TNIK: variants seen among roughly 807,000 people sequenced by gnomAD.
TNIK encodes TRAF2 and NCK interacting kinase.
In TNIK, 49 loss-of-function variants were observed where a neutral mutation model predicts 191.3. The observed-to-expected ratio is 0.26, with a 90% CI of 0.20 to 0.32. The LOEUF (loss-of-function observed/expected upper bound fraction) is 0.32. Among genes scored for constraint, TNIK ranks in the 10% least tolerant of loss-of-function variants. The probability of loss-of-function intolerance (pLI) is 1.00; values close to 1 mark genes in which losing one functional copy is unlikely to be tolerated. For missense variants in TNIK, 1,155 were observed against 1,702.3 expected, an observed-to-expected ratio of 0.68 and a Z score of 5.66; for synonymous variants, 594 against 600.9, an observed-to-expected ratio of 0.99 and a Z score of 0.17.
intron 1 of TNIK, among the ~76,000 whole-genome samples, chr3:171,443,668 T>A (rs565638756): frequency 6.0e-5 from 9 of 151,162 alleles, no homozygotes; most frequent in East Asian, 1.9e-4. Flanking sequence ...AAAAAAAAAA[T>A]TTCAAAAAAT....
At chr3:171,152,961 C>G (rs188045499) in intron 12 of TNIK, among the ~76,000 whole-genome samples, 7 of 151,904 alleles carry the variant, frequency 4.6e-5, no homozygotes, top group African/African-American at 1.7e-4. Flanking sequence ...TTAGTAGAGA[C>G]GGGGTTTCAC....
intron 1 of TNIK, among the ~76,000 whole-genome samples, chr3:171,445,254 A>AT (rs1179308913): frequency 6.6e-6 from 1 of 151,970 alleles, no homozygotes; most frequent in Admixed American, 6.6e-5. Context: ...GCCCTTCTCT[A>AT]TAAAAAATAC....
intron 10 of TNIK, among the ~76,000 whole-genome samples, chr3:171,163,445 T>A (rs1355475500): frequency 6.6e-6 from 1 of 152,214 alleles, no homozygotes; most frequent in East Asian, 1.9e-4. Context: ...GCCTTGCTTT[T>A]CACACTAGCC....
chr3:171,275,444 T>C (rs1380062190), intron 2 of TNIK, among the ~76,000 whole-genome samples: 1 of 152,058 alleles, frequency 6.6e-6, no homozygotes, highest in Non-Finnish European at 1.5e-5. Context: ...GAAAATATTA[T>C]AACCATAAAA....
At chr3:171,273,415 G>T (rs990069383) in intron 2 of TNIK, among the ~76,000 whole-genome samples, 1 of 152,156 alleles carries the variant, frequency 6.6e-6, no homozygotes, top group Non-Finnish European at 1.5e-5. Flanking sequence ...GTATCTTTCT[G>T]CATTGTGCTG....
intron 1 of TNIK, among the ~76,000 whole-genome samples, chr3:171,441,663 G>A (rs1483618018): frequency 6.6e-6 from 1 of 152,134 alleles, no homozygotes; most frequent in Non-Finnish European, 1.5e-5. Flanking sequence ...TTTCTCTTGG[G>A]TACATACGCA....
At chr3:171,076,168 G>A (rs1719903282) in intron 28 of TNIK, among the ~76,000 whole-genome samples, 1 of 151,470 alleles carries the variant, frequency 6.6e-6, no homozygotes. Flanking sequence ...TGAGGAACAT[G>A]TCCTTCTCAG....
chr3:171,188,669 G>T (rs372397594), intron 7 of TNIK, 33 bp downstream of exon 7: 3 of 1,610,664 alleles, frequency 1.9e-6, no homozygotes, highest in Non-Finnish European at 2.5e-6. Flanking sequence ...AAGATGGTAG[G>T]CATAGTTTTG....
chr3:171,398,434 T>A (rs1720509546), intron 1 of TNIK, among the ~76,000 whole-genome samples: 1 of 152,230 alleles, frequency 6.6e-6, no homozygotes, highest in Admixed American at 6.5e-5. Flanking sequence ...GGAATCCATA[T>A]CTTCTATTTA....
intron 2 of TNIK, among the ~76,000 whole-genome samples, chr3:171,240,375 TG>T (rs1278845393): frequency 6.6e-6 from 1 of 152,168 alleles, no homozygotes; most frequent in Non-Finnish European, 1.5e-5. Flanking sequence ...GACTAATTAG[TG>T]GGTCTAGAGT....
chr3:171,436,951 C>A (rs1726103262), intron 1 of TNIK, among the ~76,000 whole-genome samples: 1 of 152,180 alleles, frequency 6.6e-6, no homozygotes, highest in South Asian at 2.1e-4. Context: ...TGTCAAGAAC[C>A]TTAACACCCC....
At chr3:171,255,391 G>A (rs1234258446) in intron 2 of TNIK, among the ~76,000 whole-genome samples, 1 of 152,136 alleles carries the variant, frequency 6.6e-6, no homozygotes, top group Non-Finnish European at 1.5e-5. Flanking sequence ...ATCTTAGCTA[G>A]AGCTAAGATG....
At chr3:171,426,080 A>C (rs1389497157) in intron 1 of TNIK, among the ~76,000 whole-genome samples, 3 of 152,096 alleles carry the variant, frequency 2.0e-5, no homozygotes, top group African/African-American at 7.2e-5. Flanking sequence ...AATATAAATC[A>C]TGCTGCTATA....
chr3:171,295,658 T>C (rs569568619), intron 2 of TNIK, among the ~76,000 whole-genome samples: 4 of 152,296 alleles, frequency 2.6e-5, no homozygotes, highest in Non-Finnish European at 4.4e-5. Flanking sequence ...TTCTTCCTTC[T>C]CTCCAGGGAA....
At chr3:171,083,909 C>G (rs775031057) in intron 26 of TNIK, among the ~76,000 whole-genome samples, 1 of 152,132 alleles carries the variant, frequency 6.6e-6, no homozygotes. Flanking sequence ...TAGCCTATCA[C>G]TATTGTGTGA....
intron 1 of TNIK, among the ~76,000 whole-genome samples, chr3:171,408,299 A>G (rs1204266959): frequency 6.6e-6 from 1 of 152,090 alleles, no homozygotes; most frequent in Non-Finnish European, 1.5e-5. Context: ...GCAAAAAAGG[A>G]TCTTTTATTT....
chr3:171,162,697 T>C (rs1370839400), intron 10 of TNIK, among the ~76,000 whole-genome samples: 1 of 152,230 alleles, frequency 6.6e-6, no homozygotes, highest in Non-Finnish European at 1.5e-5. Flanking sequence ...CTCTCATTTA[T>C]TTTTCATAAT....
intron 3 of TNIK, among the ~76,000 whole-genome samples, chr3:171,227,367 TTCATGTTA>T (rs1196040384): frequency 6.6e-6 from 1 of 152,310 alleles, no homozygotes; most frequent in East Asian, 1.9e-4. Context: ...TTGGGAAATA[TTCATGTTA>T]AATATCCTAC....
At chr3:171,233,034 G>C (rs892288087) in intron 2 of TNIK, among the ~76,000 whole-genome samples, 8 of 152,130 alleles carry the variant, frequency 5.3e-5, no homozygotes, top group African/African-American at 1.9e-4. Context: ...TTCATTTCTA[G>C]GTCACCCACA....
Sources: gnomAD v4.1 joint callset for allele counts (sites outside exome capture counted in the v4.1 genomes callset) on GRCh38, gnomAD v4.1.1 for gene constraint, MANE v1.5 for transcripts, NCBI Gene and HGNC (gene_info 2026-07-23, HGNC 2026-07-21) for gene names.